MPST: variants seen among roughly 807,000 people sequenced by gnomAD.
MPST encodes mercaptopyruvate sulfurtransferase.
In MPST, 27 loss-of-function variants were observed where a neutral mutation model predicts 28.5. That is an observed-to-expected ratio of 0.95 (90% CI 0.70 to 1.31). The LOEUF (loss-of-function observed/expected upper bound fraction) is 1.31, where lower values mean the gene tolerates loss of function less well. Ranked by LOEUF, MPST falls within the 50% of genes most tolerant of loss-of-function variation. The pLI is 0.00. For missense variants in MPST, 492 were observed against 471.1 expected, an observed-to-expected ratio of 1.04 and a Z score of -0.41; for synonymous variants, 204 against 209.3, an observed-to-expected ratio of 0.97 and a Z score of 0.22.
Position 37,029,332 on chromosome 22 carries a change from G to A in MPST, c.772G>A (p.Val258Met), listed in dbSNP as rs781179226. The change falls in exon 3 of 3, where the codon GTG (valine) becomes ATG (methionine). Residue 258 changes from valine (V) to methionine (M), a missense_variant. Physicochemically the swap from Val to Met is conservative, Grantham distance 21. Coordinates refer to ENST00000429360, the MANE Select transcript of MPST (RefSeq NM_021126.8). ...CCGCCATCTGTTCCAGGAGAAGAAAGTGGACCTGTCTAAGCCACTGGTGGC... is the reference window on the plus strand; with the variant it reads ...CCGCCATCTGTTCCAGGAGAAGAAAATGGACCTGTCTAAGCCACTGGTGGC... ...EIRHLFQEKK[V>M]DLSKPLVATC... 1.2e-6 allele frequency: 2 copies of A among 1,614,190 alleles called. No individual in the cohort carries two copies. The highest frequency in any genetic ancestry group is 1.1e-5 in the South Asian group (1 of 91,086).
Position 37,024,200 on chromosome 22 carries a change from C to G in MPST, c.45C>G (p.Ser15Arg), listed in dbSNP as rs1412809245. The change falls in exon 2 of 3, where the codon AGC (serine) becomes AGG (arginine). Residue 15 changes from serine to arginine, a missense_variant. Transcript: ENST00000429360. ...TCCTCCCTGTCGCCCAGGCCCGCAG[C>G]CCGAGTGTCGCCGCCATGGCTTCGC... ...GSRESETRAR[S>R]PSVAAMASPQ... 7 of 1,379,740 alleles carry G rather than the reference C, an allele frequency of 5.1e-6. No homozygotes were observed. In the East Asian group the frequency reaches 2.1e-4, roughly 41 times the overall value. The allele number at this position is 1,379,740 out of a possible 1,614,324, so 85.5% of individuals were successfully genotyped here.
chr22:37,026,882 A>G (rs1601461917), intron 2 of MPST: 1 of 152,486 alleles, frequency 6.6e-6, no homozygotes, highest in East Asian at 1.9e-4. Context: ...GAAGCTGGAC[A>G]AGAGTCTGAA....
chr22:37,024,709 C>T lies in MPST; in HGVS notation c.554C>T (p.Thr185Ile). The change falls in exon 2 of 3, where the codon ACC becomes ATC. Residue 185 changes from threonine (T) to isoleucine (I), a missense_variant. Thr to Ile is a moderately conservative substitution (Grantham distance 89). Coordinates refer to ENST00000429360, the MANE Select transcript of MPST (RefSeq NM_021126.8). Reference protein sequence around the residue: ...RAQLDPAFIKTYEDIKENLES... With the variant: ...RAQLDPAFIKIYEDIKENLES... ...CAGCTCGACCCCGCCTTCATCAAGA[C>T]CTACGAGGACATCAAGGAGAACCTG... 6.2e-7 allele frequency: 1 copy of T among 1,600,090 alleles called. No homozygotes were observed.
At chr22:37,021,854 C>G (rs1923100968) in intron 1 of MPST, among the ~76,000 whole-genome samples, 1 of 152,052 alleles carries the variant, frequency 6.6e-6, no homozygotes, top group Admixed American at 6.6e-5. Context: ...AATCTTGGCT[C>G]TAAGAGGTGG....
chr22:37,023,798 G>A, intron 1 of MPST: 2 of 1,216,588 alleles, frequency 1.6e-6, no homozygotes, highest in African/African-American at 1.6e-5. Flanking sequence ...CTTCCGTCTG[G>A]GACTTGGTTG....
Position 37,029,056 on chromosome 22 carries a change from C to T in MPST, c.656-160C>T. On this transcript the variant is annotated intron_variant, in intron 2 of 2. Transcript: ENST00000429360. ...AAAATGGGGGCTCCTCTAAACAGTGCTCAGGTTTTATGGTTGTGAGAATTA... is the reference window on the plus strand; with the variant it reads ...AAAATGGGGGCTCCTCTAAACAGTGTTCAGGTTTTATGGTTGTGAGAATTA... 8.5e-6 allele frequency: 6 copies of T among 709,628 alleles called. No homozygotes were observed. The South Asian group carries it at 1.1e-4, about 14-fold the overall frequency. 44.0% of individuals were successfully genotyped at this position (709,628 alleles called of 1,614,324 possible). A position where few individuals can be genotyped will look rare whatever the true frequency, so the allele number is the denominator to read the frequency against.
rs1458903067 is a variant in MPST, at chr22:37,024,479, C to T, written c.324C>T (p.Arg108=). ...AGCATTTCGCGGAGTACGCAGGCCG[C>T]CTGGGCGTGGGCGCGGCCACCCACG... ...GAEHFAEYAG[R]LGVGAATHVV... is the part of the protein sequence containing the mutation. The change falls in exon 2 of 3, where the codon CGC becomes CGT. Residue 108 remains arginine, a synonymous_variant. Transcript: ENST00000429360. The T allele has an allele frequency of 2.6e-6, 4 of 1,559,066 alleles. No individual in the cohort carries two copies. In the South Asian group the frequency reaches 3.5e-5, roughly 14 times the overall value.
chr22:37,029,175 A>C, intron 2 of MPST, 41 bp from the exon 3 acceptor site: 1 of 1,579,562 alleles, frequency 6.3e-7, no homozygotes, highest in Non-Finnish European at 8.7e-7. Context: ...CATTCATAGC[A>C]TCCTTCTATT....
intron 1 of MPST, chr22:37,023,904 C>T (rs775448858): frequency 4.6e-6 from 7 of 1,508,576 alleles, no homozygotes; most frequent in Non-Finnish European, 4.4e-6. Flanking sequence ...TACCTCCACC[C>T]ACCCTCCTGC....
chr22:37,024,778 G>A lies in MPST; in HGVS notation c.623G>A (p.Arg208Lys), dbSNP rs1169488496. The A allele has an allele frequency of 6.2e-7, 1 of 1,602,990 alleles. No homozygotes were observed. The highest frequency in any genetic ancestry group is 8.5e-7 in the Non-Finnish European group (1 of 1,179,686). Residue 208 changes from arginine to lysine, a missense_variant, in exon 2 of 3, where the codon AGG (arginine) becomes AAG (lysine). Physicochemically the swap from Arg to Lys is conservative, Grantham distance 26. Coordinates refer to ENST00000429360, the MANE Select transcript of MPST (RefSeq NM_021126.8). ...GTGGTGGACTCCCGAGCCACTGGCA[G>A]GTTCCGCGGCACCGAGCCCGAGCCC... is the stretch of plus-strand genomic sequence containing the variant. Reference protein sequence around the residue: ...FQVVDSRATGRFRGTEPEPRD... With the variant: ...FQVVDSRATGKFRGTEPEPRD...
intron 2 of MPST, chr22:37,025,404 G>A (rs1923446065): frequency 3.9e-6 from 1 of 258,676 alleles, no homozygotes; most frequent in Admixed American, 4.9e-5. Flanking sequence ...GGCAGAGTCG[G>A]GGGCTGCATA....
chr22:37,029,409 C>A lies in MPST; in HGVS notation c.849C>A (p.Leu283=). 6.2e-7 allele frequency: 1 copy of A among 1,613,958 alleles called. No homozygotes were observed. Among genetic ancestry groups the A allele is most frequent in the Non-Finnish European group, 8.5e-7 (1 of 1,180,040 alleles). The change falls in exon 3 of 3, where the codon CTC becomes CTA. Residue 283 remains leucine, a synonymous_variant. Coordinates refer to ENST00000429360, the MANE Select transcript of MPST (RefSeq NM_021126.8). ...GCCACGTGGCACTAGGGGCCTACCT[C>A]TGCGGCAAGCCAGACGTGCCCATCT... ...TACHVALGAY[L]CGKPDVPIYD...
Position 37,019,823 on chromosome 22 carries a change from G to A in MPST, c.-14G>A. 3 of 1,196,856 alleles carry A rather than the reference G, an allele frequency of 2.5e-6. No homozygotes were observed. The highest frequency in any genetic ancestry group is 3.1e-6 in the Non-Finnish European group (3 of 955,254). 74.1% of individuals were successfully genotyped at this position (1,196,856 alleles called of 1,614,324 possible). ...GCTGCGGGCGCGGGGAGGGGGCGCC[G>A]CGCCGCGGGGGCCATGGCGGAGCCA... On this transcript the variant is annotated 5_prime_UTR_variant, in exon 1 of 3. Transcript: ENST00000429360.
intron 2 of MPST, chr22:37,025,209 G>A (rs1056984857): frequency 8.2e-7 from 1 of 1,216,126 alleles, no homozygotes; most frequent in Non-Finnish European, 1.0e-6. Context: ...TTCCCCTCCT[G>A]TGCTTTGGGC....
intron 2 of MPST, 162 bp downstream of exon 2, chr22:37,024,972 C>G (rs192039464): frequency 5.3e-6 from 8 of 1,503,342 alleles, no homozygotes; most frequent in Admixed American, 2.0e-5. Context: ...TCCTTTCCCC[C>G]TTTTCCCTAC....
intron 1 of MPST, 110 bp from the exon 2 acceptor site, chr22:37,024,082 C>T: frequency 7.9e-7 from 1 of 1,265,616 alleles, no homozygotes; most frequent in Non-Finnish European, 1.0e-6. Flanking sequence ...GGACTCTGCC[C>T]TGCACGGGCC....
intron 2 of MPST, chr22:37,026,708 C>T (rs1487934225): frequency 6.6e-6 from 1 of 152,236 alleles, no homozygotes; most frequent in Non-Finnish European, 1.5e-5. Flanking sequence ...TGATATCTGA[C>T]CAAGCCCGGT....
chr22:37,029,083 A>G (rs1923712407), intron 2 of MPST, 133 bp from the exon 3 acceptor site: 1 of 826,328 alleles, frequency 1.2e-6, no homozygotes, highest in Non-Finnish European at 1.9e-6. Flanking sequence ...TGAGAATTAA[A>G]TGAGATGGTG....
At chr22:37,023,712 C>T (rs2145914705) in intron 1 of MPST, 1 of 1,066,526 alleles carries the variant, frequency 9.4e-7, no homozygotes, top group Non-Finnish European at 1.2e-6. Flanking sequence ...CAGTGGTACC[C>T]AGCAAGGACT....
Sources: gnomAD v4.1 joint callset for allele counts (sites outside exome capture counted in the v4.1 genomes callset) on GRCh38, gnomAD v4.1.1 for gene constraint, MANE v1.5 for transcripts, NCBI Gene and HGNC (gene_info 2026-07-23, HGNC 2026-07-21) for gene names.